SLC8A1: variants seen among roughly 807,000 people sequenced by gnomAD.
SLC8A1 encodes solute carrier family 8 member A1.
In SLC8A1, 18 loss-of-function variants were observed where a neutral mutation model predicts 68.3. The observed-to-expected ratio is 0.26, with a 90% CI of 0.18 to 0.39. The LOEUF (loss-of-function observed/expected upper bound fraction) is 0.39. SLC8A1 is among the 10% of genes least tolerant of loss of function. The probability of loss-of-function intolerance (pLI) is 1.00; values close to 1 mark genes in which losing one functional copy is unlikely to be tolerated. For missense variants in SLC8A1, 985 were observed against 1,156.7 expected (o/e 0.85, Z 2.15); for synonymous variants, 475 against 415.5 (o/e 1.14, Z -1.74).
chr2:40,429,873 G>C (rs1191589776), exon 2 of SLC8A1: 1 of 1,613,460 alleles, frequency 6.2e-7, no homozygotes, highest in Non-Finnish European at 8.5e-7. Flanking sequence ...TCAAGGTCAG[G>C]TTAGAAACTG....
intron 2 of SLC8A1, among the ~76,000 whole-genome samples, chr2:40,352,829 C>T (rs939643365): frequency 3.3e-5 from 5 of 152,134 alleles, no homozygotes; most frequent in Non-Finnish European, 7.3e-5. Context: ...GGAGAGGCCT[C>T]GATATGTCTG....
At chr2:40,190,684 G>A (rs909462750) in intron 2 of SLC8A1, 1 of 152,122 alleles carries the variant, frequency 6.6e-6, no homozygotes, top group Non-Finnish European at 1.5e-5. Flanking sequence ...AGTAAGGATG[G>A]CTGTGTTGAA....
exon 2 of SLC8A1, chr2:40,429,030 C>T (rs1277245905): frequency 6.2e-7 from 1 of 1,612,912 alleles, no homozygotes; most frequent in Non-Finnish European, 8.5e-7. Context: ...TCTCCAGACA[C>T]TGATATGTCC....
intron 2 of SLC8A1, among the ~76,000 whole-genome samples, chr2:40,239,416 G>T (rs1027504512): frequency 3.3e-5 from 5 of 152,162 alleles, no homozygotes; most frequent in Non-Finnish European, 7.3e-5. Flanking sequence ...TTTAGGGCTA[G>T]AATGTTTTAA....
chr2:40,114,646 C>A (rs1205222153), exon 8 of SLC8A1: 1 of 152,684 alleles, frequency 6.5e-6, no homozygotes, highest in African/African-American at 2.4e-5. Flanking sequence ...TTTTATGCTT[C>A]TTCTTGGAGG....
At chr2:40,330,652 T>C (rs529204232) in intron 2 of SLC8A1, among the ~76,000 whole-genome samples, 1 of 152,316 alleles carries the variant, frequency 6.6e-6, no homozygotes, top group East Asian at 1.9e-4. Flanking sequence ...AAAATAAATA[T>C]ACTACTAGTT....
chr2:40,285,679 A>C (rs1017213683), intron 2 of SLC8A1, among the ~76,000 whole-genome samples: 1 of 152,176 alleles, frequency 6.6e-6, no homozygotes, highest in Non-Finnish European at 1.5e-5. Flanking sequence ...TGGTGAAACA[A>C]GGTATTTTGC....
intron 2 of SLC8A1, among the ~76,000 whole-genome samples, chr2:40,319,351 A>T (rs2074902289): frequency 6.6e-6 from 1 of 152,080 alleles, no homozygotes; most frequent in Non-Finnish European, 1.5e-5. Flanking sequence ...TACAGGACTA[A>T]GGAACCCACT....
chr2:40,383,552 G>A (rs530451610), intron 2 of SLC8A1, among the ~76,000 whole-genome samples: 2 of 152,020 alleles, frequency 1.3e-5, no homozygotes, highest in South Asian at 4.2e-4. Context: ...TCTCTTTCTA[G>A]ATTTACAACT....
chr2:40,411,334 C>A (rs1475922612), intron 2 of SLC8A1, among the ~76,000 whole-genome samples: 2 of 152,040 alleles, frequency 1.3e-5, no homozygotes, highest in East Asian at 3.8e-4. Context: ...CATATATAAG[C>A]ACTGGTAAGG....
chr2:40,126,163 G>T (rs2038049131), intron 7 of SLC8A1, among the ~76,000 whole-genome samples: 1 of 152,096 alleles, frequency 6.6e-6, no homozygotes, highest in Admixed American at 6.6e-5. Context: ...TCATCAGTTT[G>T]CCAGATAACA....
intron 2 of SLC8A1, among the ~76,000 whole-genome samples, chr2:40,186,191 T>C (rs570921849): frequency 1.1e-4 from 16 of 152,344 alleles, no homozygotes; most frequent in African/African-American, 3.6e-4. Context: ...GAAATGATTA[T>C]AATCATAAGG....
intron 2 of SLC8A1, among the ~76,000 whole-genome samples, chr2:40,385,809 C>A (rs938809271): frequency 1.3e-5 from 2 of 150,936 alleles, no homozygotes; most frequent in Non-Finnish European, 2.9e-5. Flanking sequence ...TATGTAATGA[C>A]AATGGTTTTT....
At chr2:40,139,774 C>G in intron 6 of SLC8A1, 98 bp from the exon 10 acceptor site, 1 of 1,260,190 alleles carries the variant, frequency 7.9e-7, no homozygotes, top group South Asian at 1.4e-5. Flanking sequence ...TCCCTCCACT[C>G]TGTGACAGGA....
chr2:40,391,371 TA>T (rs1222789974), intron 2 of SLC8A1, among the ~76,000 whole-genome samples: 2 of 151,982 alleles, frequency 1.3e-5, no homozygotes, highest in Admixed American at 6.6e-5. Flanking sequence ...AGTGTCCTTT[TA>T]AAAGAAAGCA....
chr2:40,114,136 CTT>C (rs921766453), exon 8 of SLC8A1: 1 of 152,754 alleles, frequency 6.5e-6, no homozygotes, highest in African/African-American at 2.4e-5. Context: ...TACAGATACT[CTT>C]TGTTTTGTTT....
intron 2 of SLC8A1, among the ~76,000 whole-genome samples, chr2:40,309,171 G>C (rs1002189683): frequency 6.6e-6 from 1 of 152,156 alleles, no homozygotes; most frequent in African/African-American, 2.4e-5. Flanking sequence ...CAAGGTGACA[G>C]TGCTTTAGGT....
At chr2:40,121,693 T>C (rs1482908928) in intron 7 of SLC8A1, among the ~76,000 whole-genome samples, 3 of 152,208 alleles carry the variant, frequency 2.0e-5, no homozygotes, top group African/African-American at 7.2e-5. Context: ...TGGCACTTAA[T>C]GGGTGTTCAG....
chr2:40,223,594 G>T (rs2058620578), intron 2 of SLC8A1: 2 of 151,944 alleles, frequency 1.3e-5, no homozygotes, highest in African/African-American at 4.8e-5. Context: ...TATTAAAACT[G>T]TCTTGTACCT....
Sources: gnomAD v4.1 joint callset for allele counts (sites outside exome capture counted in the v4.1 genomes callset) on GRCh38, gnomAD v4.1.1 for gene constraint, MANE v1.5 for transcripts, NCBI Gene and HGNC (gene_info 2026-07-23, HGNC 2026-07-21) for gene names.